The following LRRC8C variants were observed in gnomAD, a reference collection of about 807,000 sequenced individuals.
LRRC8C encodes volume-regulated anion channel subunit LRRC8C.
Under a neutral mutation model 55.3 loss-of-function variants are expected in LRRC8C, and 20 were observed. The ratio of observed to expected loss-of-function variants is 0.36; its 90% CI spans 0.25 to 0.53. The LOEUF is 0.53. Ranked by LOEUF, LRRC8C falls within the 20% of genes least tolerant of loss-of-function variation. The pLI is 0.92. For synonymous variants in LRRC8C, 376 were observed against 360.7 expected, an observed-to-expected ratio of 1.04 and a Z score of -0.48; for missense variants, 659 against 951.4, an observed-to-expected ratio of 0.69 and a Z score of 4.04.
intron 1 of LRRC8C, among the ~76,000 whole-genome samples, chr1:89,658,957 T>C (rs774280274): frequency 3.3e-5 from 5 of 152,026 alleles, no homozygotes; most frequent in Non-Finnish European, 7.4e-5. Flanking sequence ...TGAGTATGTG[T>C]ATATTACACT....
the LRRC8C span, among the ~76,000 whole-genome samples, chr1:89,627,969 T>A: frequency 1.3e-5 from 2 of 152,218 alleles, no homozygotes; most frequent in Non-Finnish European, 2.9e-5. Context: ...CTGGTAAGTA[T>A]AGTGCAAATA....
Position 89,697,843 on chromosome 1 carries a change from A to G in LRRC8C, c.138+11232A>G, listed in dbSNP as rs112020408. 5.5e-3 allele frequency among the ~76,000 whole-genome samples: 837 copies of G among 152,022 alleles called. 10 individuals carry two copies. Among genetic ancestry groups the G allele is most frequent in the African/African-American group, 0.019 (792 of 41,458 alleles). ...GAAGCTTTCTTCAAAAGAAGAGGGG[A>G]AAAAAAACAATGTGGATACAACCAA... On this transcript the variant is annotated intron_variant, in intron 2 of 2. Coordinates refer to ENST00000370454, the MANE Select transcript of LRRC8C (RefSeq NM_032270.5).
At chr1:89,699,204 C>A (rs1245313524) in intron 2 of LRRC8C, among the ~76,000 whole-genome samples, 2 of 152,242 alleles carry the variant, frequency 1.3e-5, no homozygotes, top group Non-Finnish European at 2.9e-5. Flanking sequence ...AGTAAAATAT[C>A]AGTTGTTGCT....
At chr1:89,687,050 T>C (rs557267992) in intron 2 of LRRC8C, among the ~76,000 whole-genome samples, 1 of 152,374 alleles carries the variant, frequency 6.6e-6, no homozygotes, top group African/African-American at 2.4e-5. Context: ...ACTGAATGTT[T>C]AGTTCTGAAT....
rs989959873 is a variant in LRRC8C, at chr1:89,718,712, T to C, written c.*3730T>C. 4 of 152,212 alleles carry C rather than the reference T, an allele frequency of 2.6e-5. No individual in the cohort carries two copies. Among genetic ancestry groups the C allele is most frequent in the Non-Finnish European group, 4.4e-5 (3 of 68,020 alleles). 9.4% of individuals were successfully genotyped at this position (152,212 alleles called of 1,614,324 possible). ...TTTGAATATAATTCCACTTTGTTTT[T>C]AGAGACTAAATTAAGATTCAATTAA... On this transcript the variant is annotated 3_prime_UTR_variant, in exon 3 of 3. Coordinates refer to ENST00000370454, the MANE Select transcript of LRRC8C (RefSeq NM_032270.5).
In LRRC8C at chr1:89,716,726, A is replaced by G. The variant is rs1006562752; in HGVS notation, c.*1744A>G. 5.9e-5 allele frequency: 9 copies of G among 152,220 alleles called. No individual in the cohort carries two copies. The allele number at this position is 152,220 out of a possible 1,614,324, so 9.4% of individuals were successfully genotyped here. A position where few individuals can be genotyped will look rare whatever the true frequency, so the allele number is the denominator to read the frequency against. On this transcript the variant is annotated 3_prime_UTR_variant, in exon 3 of 3. Coordinates refer to ENST00000370454, the MANE Select transcript of LRRC8C (RefSeq NM_032270.5). ...ATCGTAGTAAGTTTTGTGACTTAAC[A>G]ATGAAAGAAAGTAGAAAGATGCTTT...
the LRRC8C span, among the ~76,000 whole-genome samples, chr1:89,623,151 GACACACACACAC>G: frequency 2.9e-3 from 436 of 149,746 alleles, 2 homozygotes; most frequent in Non-Finnish European, 4.2e-3. Context: ...AACTAACTCA[GACACACACACAC>G]ACACACACAC....
intron 1 of LRRC8C, among the ~76,000 whole-genome samples, chr1:89,662,128 C>T (rs575298460): frequency 1.2e-4 from 19 of 152,284 alleles, no homozygotes; most frequent in East Asian, 3.9e-4. Context: ...ACATAAAATA[C>T]ATTAATGATA....
rs895708318 is a variant in LRRC8C, at chr1:89,657,893, A to G, written c.-5+24571A>G. ...ATTAGAATATTTTATAAACAAAAAC[A>G]TAGTTGATAAGACGTGTCATTAATG... On this transcript the variant is annotated intron_variant, in intron 1 of 2. Coordinates refer to ENST00000370454, the MANE Select transcript of LRRC8C (RefSeq NM_032270.5). 2.6e-5 allele frequency among the ~76,000 whole-genome samples: 4 copies of G among 152,344 alleles called. No homozygotes were observed. The South Asian group carries it at 8.3e-4, about 32-fold the overall frequency.
At chr1:89,686,400 A>G (rs1200588141) in intron 1 of LRRC8C, 70 bp from the exon 2 acceptor site, 11 of 1,545,312 alleles carry the variant, frequency 7.1e-6, no homozygotes, top group Non-Finnish European at 8.8e-7. Flanking sequence ...AGTTGGAGCC[A>G]CATTTGGTAA....
intron 2 of LRRC8C, among the ~76,000 whole-genome samples, chr1:89,708,158 T>G (rs749481612): frequency 7.2e-5 from 11 of 151,928 alleles, no homozygotes; most frequent in Admixed American, 1.3e-4. Context: ...AACTCCATTC[T>G]CAAGCCTTTT....
chr1:89,674,131 G>A (rs1657490796), intron 1 of LRRC8C, among the ~76,000 whole-genome samples: 1 of 152,092 alleles, frequency 6.6e-6, no homozygotes, highest in South Asian at 2.1e-4. Context: ...TTTGAGGGAG[G>A]ATAGGTTTTT....
chr1:89,640,396 A>G (rs185875949), intron 1 of LRRC8C, among the ~76,000 whole-genome samples: 1 of 152,252 alleles, frequency 6.6e-6, no homozygotes, highest in Non-Finnish European at 1.5e-5. Context: ...TATCAAAATC[A>G]ACAAAAATTA....
At chr1:89,672,212 A>G (rs868668938) in intron 1 of LRRC8C, among the ~76,000 whole-genome samples, 1 of 152,218 alleles carries the variant, frequency 6.6e-6, no homozygotes, top group Non-Finnish European at 1.5e-5. Flanking sequence ...GTTACTACTT[A>G]TACTATACTT....
Position 89,663,525 on chromosome 1 carries a change from G to A in LRRC8C, c.-4-22945G>A, listed in dbSNP as rs1157718470. On this transcript the variant is annotated intron_variant, in intron 1 of 2. Transcript: ENST00000370454. The stretch of plus-strand genomic sequence containing the variant: ...GCAGAGCTTGCAGTGAGCCGAGATT[G>A]CGCCACTGCACTCCAGCCTGGGCGA... Among the ~76,000 whole-genome samples, 5 of 150,724 alleles carry A rather than the reference G, an allele frequency of 3.3e-5. No individual in the cohort carries two copies. The East Asian group carries it at 9.7e-4, about 29-fold the overall frequency.
At chr1:89,640,209 C>T (rs184195193) in intron 1 of LRRC8C, among the ~76,000 whole-genome samples, 2,337 of 152,286 alleles carry the variant, frequency 0.015, 22 homozygotes, top group Non-Finnish European at 0.024. Context: ...GGATTACAGG[C>T]GCCTGCCGCC....
intron 1 of LRRC8C, among the ~76,000 whole-genome samples, chr1:89,648,390 C>A (rs184165796): frequency 6.6e-6 from 1 of 152,118 alleles, no homozygotes; most frequent in African/African-American, 2.4e-5. Context: ...AGAACAGACA[C>A]TAGTTATAAT....
chr1:89,621,476 T>A, the LRRC8C span, among the ~76,000 whole-genome samples: 1 of 151,644 alleles, frequency 6.6e-6, no homozygotes, highest in Non-Finnish European at 1.5e-5. Context: ...CAAAAAAAAA[T>A]TCCTTTCCCC....
intron 1 of LRRC8C, among the ~76,000 whole-genome samples, chr1:89,675,194 A>AAAAAAC (rs1343194685): frequency 6.6e-6 from 1 of 152,186 alleles, no homozygotes. Flanking sequence ...CAAAAAAACA[A>AAAAAAC]AAAAACAAAA....
Sources: gnomAD v4.1 joint callset for allele counts (sites outside exome capture counted in the v4.1 genomes callset) on GRCh38, gnomAD v4.1.1 for gene constraint, MANE v1.5 for transcripts, NCBI Gene and HGNC (gene_info 2026-07-23, HGNC 2026-07-21) for gene names.